Variants in C3orf49 observed in about 807,000 individuals in gnomAD.
The protein encoded by C3orf49 is chromosome 3 open reading frame 49, also known as putative uncharacterized protein C3orf49.
In C3orf49, 27 loss-of-function variants were observed where a neutral mutation model predicts 13.3. That is an observed-to-expected ratio of 2.02 (90% CI 1.49 to 2.79). C3orf49 has a LOEUF of 2.79. Among genes scored for constraint, C3orf49 ranks in the 30% most tolerant of loss-of-function variants. The probability of loss-of-function intolerance (pLI) is 0.00; values close to 1 mark genes in which losing one functional copy is unlikely to be tolerated. For missense variants in C3orf49, 242 were observed against 134.2 expected, an observed-to-expected ratio of 1.80 and a Z score of -3.97; for synonymous variants, 87 against 47.6, an observed-to-expected ratio of 1.83 and a Z score of -3.40.
chr3:63,806,576 T>C, the C3orf49 span, among the ~76,000 whole-genome samples: 1 of 152,260 alleles, frequency 6.6e-6, no homozygotes, highest in Non-Finnish European at 1.5e-5. Context: ...TGCCTTGCCA[T>C]ATCTGATCCC....
chr3:63,828,231 C>T (rs1701491213), intron 3 of C3orf49, among the ~76,000 whole-genome samples: 1 of 152,188 alleles, frequency 6.6e-6, no homozygotes, highest in African/African-American at 2.4e-5. Context: ...ACAGACAGTG[C>T]AGCGTAGATT....
At chr3:63,799,727 G>A in the C3orf49 span, among the ~76,000 whole-genome samples, 1 of 152,168 alleles carries the variant, frequency 6.6e-6, no homozygotes, top group African/African-American at 2.4e-5. Context: ...AGAAAAAGCA[G>A]GTGTCATTTT....
chr3:63,830,538 G>C (rs183278363), intron 3 of C3orf49, among the ~76,000 whole-genome samples: 2 of 152,282 alleles, frequency 1.3e-5, no homozygotes, highest in African/African-American at 4.8e-5. Context: ...GGGCATATTA[G>C]CTGGGAGCCA....
the C3orf49 span, among the ~76,000 whole-genome samples, chr3:63,786,771 T>C: frequency 1.3e-5 from 2 of 152,208 alleles, no homozygotes; most frequent in Non-Finnish European, 1.5e-5. Flanking sequence ...ATCTCACAGA[T>C]AGAAACACAG....
chr3:63,838,497 T>A (rs1341113717), intron 5 of C3orf49: 1 of 1,584,744 alleles, frequency 6.3e-7, no homozygotes, highest in Non-Finnish European at 8.5e-7. Flanking sequence ...GTACTGGCTA[T>A]ATCTAATGAA....
chr3:63,800,995 C>A, the C3orf49 span, among the ~76,000 whole-genome samples: 1 of 152,144 alleles, frequency 6.6e-6, no homozygotes, highest in Non-Finnish European at 1.5e-5. Flanking sequence ...CAAGTGTCCA[C>A]AAGCACTCTG....
Position 63,823,355 on chromosome 3 carries a change from T to C in C3orf49, c.231T>C (p.Asn77=). ...TGGGATTTCATGAAAGCCAGCAAAATCAGAAAAGTAATTTGAAGACGAAAG... is the reference window on the plus strand; with the variant it reads ...TGGGATTTCATGAAAGCCAGCAAAACCAGAAAAGTAATTTGAAGACGAAAG... ...SDMGFHESQQ[N]QKSNLKTKVK... is the part of the protein sequence containing the mutation. The change falls in exon 2 of 7, where the codon AAT becomes AAC. Residue 77 remains asparagine, a synonymous_variant. Coordinates refer to ENST00000295896, the MANE Select transcript of C3orf49 (RefSeq NM_001355236.2). The C allele has an allele frequency of 1.4e-6, 1 of 703,112 alleles. No individual in the cohort carries two copies. The highest frequency in any genetic ancestry group is 2.6e-6 in the Non-Finnish European group (1 of 385,052). 43.6% of individuals were successfully genotyped at this position (703,112 alleles called of 1,614,324 possible).
At chr3:63,801,626 A>C in the C3orf49 span, among the ~76,000 whole-genome samples, 1 of 152,178 alleles carries the variant, frequency 6.6e-6, no homozygotes, top group Non-Finnish European at 1.5e-5. Context: ...AGCATTAAAT[A>C]AAGTAGTACA....
chr3:63,844,934 T>C, intron 5 of C3orf49, 89 bp from the exon 6 acceptor site: 2 of 584,074 alleles, frequency 3.4e-6, no homozygotes, highest in South Asian at 4.3e-5. Flanking sequence ...TACCTGAAAA[T>C]GTGGAAGCGG....
At chr3:63,795,000 G>C in the C3orf49 span, among the ~76,000 whole-genome samples, 1 of 152,110 alleles carries the variant, frequency 6.6e-6, no homozygotes, top group African/African-American at 2.4e-5. Flanking sequence ...CCTGGTTGCC[G>C]TCCCGTCTCC....
the C3orf49 span, among the ~76,000 whole-genome samples, chr3:63,788,885 G>A: frequency 6.6e-6 from 1 of 152,010 alleles, no homozygotes; most frequent in South Asian, 2.1e-4. Flanking sequence ...TCGGTTGATC[G>A]ACCCAGAGTA....
chr3:63,802,718 T>A, the C3orf49 span, among the ~76,000 whole-genome samples: 1 of 152,184 alleles, frequency 6.6e-6, no homozygotes, highest in Non-Finnish European at 1.5e-5. Flanking sequence ...TCTTTTAGAA[T>A]CTTCTTGCTA....
chr3:63,816,528 G>C (rs1200299367), upstream of C3orf49, among the ~76,000 whole-genome samples: 1 of 151,686 alleles, frequency 6.6e-6, no homozygotes, highest in African/African-American at 2.4e-5. Context: ...AGAGGTTGCA[G>C]TGAGCGTGGT....
intron 3 of C3orf49, among the ~76,000 whole-genome samples, chr3:63,830,436 C>T (rs1701517746): frequency 6.6e-6 from 1 of 152,136 alleles, no homozygotes; most frequent in Non-Finnish European, 1.5e-5. Context: ...CAGATGTGGT[C>T]CCATATCCTA....
intron 1 of C3orf49, among the ~76,000 whole-genome samples, chr3:63,821,714 A>T (rs927820196): frequency 1.3e-5 from 2 of 152,142 alleles, no homozygotes; most frequent in African/African-American, 2.4e-5. Context: ...TACATGATGT[A>T]TATTTCCATT....
rs778726791 is a variant in C3orf49, at chr3:63,838,129, G to A, written c.849+6285G>A. ...AATAATCCATTTTTAATTTTAAAAC[G>A]CATTTATAAATTAACCTCTATTGGT... On this transcript the variant is annotated intron_variant, in intron 5 of 6. Coordinates refer to ENST00000295896, the MANE Select transcript of C3orf49 (RefSeq NM_001355236.2). The A allele has an allele frequency of 4.4e-5, 62 of 1,422,178 alleles. 1 individual carries two copies. Among genetic ancestry groups the A allele is most frequent in the Admixed American group, 4.2e-4 (19 of 45,060 alleles). The allele number at this position is 1,422,178 out of a possible 1,614,324, so 88.1% of individuals were successfully genotyped here.
At chr3:63,834,223 A>T (rs2107112849) in intron 5 of C3orf49, 2 of 1,612,174 alleles carry the variant, frequency 1.2e-6, no homozygotes, top group East Asian at 4.5e-5. Flanking sequence ...GGAAACATAA[A>T]ACCTTAGTCA....
At chr3:63,816,486 G>A (rs1316266556), upstream of C3orf49, among the ~76,000 whole-genome samples, 1 of 151,908 alleles carries the variant, frequency 6.6e-6, no homozygotes, top group Non-Finnish European at 1.5e-5. Flanking sequence ...CAGCTACTCA[G>A]GAGGCACAAG....
At chr3:63,843,015 T>C (rs1701800743) in intron 5 of C3orf49, among the ~76,000 whole-genome samples, 1 of 152,044 alleles carries the variant, frequency 6.6e-6, no homozygotes, top group Admixed American at 6.6e-5. Flanking sequence ...CTCAAACTAC[T>C]GAACTCAAGT....
Sources: gnomAD v4.1 joint callset for allele counts (sites outside exome capture counted in the v4.1 genomes callset) on GRCh38, gnomAD v4.1.1 for gene constraint, MANE v1.5 for transcripts, NCBI Gene and HGNC (gene_info 2026-07-23, HGNC 2026-07-21) for gene names.